SRRM2: variants seen among roughly 807,000 people sequenced by gnomAD.
SRRM2 encodes serine/arginine repetitive matrix 2, also known as serine/arginine repetitive matrix protein 2.
Under a neutral mutation model 213.8 loss-of-function variants are expected in SRRM2, and 30 were observed. The observed-to-expected ratio is 0.14, with a 90% confidence interval of 0.10 to 0.19. SRRM2 has a LOEUF of 0.19. SRRM2 is among the 10% of genes least tolerant of loss of function. The pLI, the probability that SRRM2 is intolerant of heterozygous loss-of-function variation, is 1.00. For missense variants in SRRM2, 4,904 were observed against 3,647.0 expected (o/e 1.34, Z -8.88); for synonymous variants, 2,025 against 1,377.7 (o/e 1.47, Z -10.40).
chr16:2,766,448 A>G lies in SRRM2; in HGVS notation c.5920A>G (p.Thr1974Ala). ...PVTRRRSRSRTSPITRRRSRS... is the reference protein window; with the variant it reads ...PVTRRRSRSRASPITRRRSRS... The stretch of plus-strand genomic sequence containing the variant: ...AACCAGGAGGCGATCTCGAAGCAGA[A>G]CTTCGCCTATCACTCGCAGAAGATC... Residue 1974 changes from threonine (T) to alanine (A), a missense_variant, in exon 11 of 15, where the codon ACT becomes GCT. Thr to Ala is a moderately conservative substitution (Grantham distance 58). Transcript: ENST00000301740. This position sits in a 1 kb window ranked among gnomAD's most constrained non-coding sequence, Gnocchi z 7.0. 1 of 1,613,898 alleles carries G rather than the reference A, an allele frequency of 6.2e-7. No individual in the cohort carries two copies. The highest frequency in any genetic ancestry group is 8.5e-7 in the Non-Finnish European group (1 of 1,179,982).
chr16:2,767,610 T>G lies in SRRM2; in HGVS notation c.7082T>G (p.Leu2361Trp). 6.2e-7 allele frequency: 1 copy of G among 1,614,170 alleles called. No homozygotes were observed. Among genetic ancestry groups the G allele is most frequent in the Non-Finnish European group, 8.5e-7 (1 of 1,180,030 alleles). ...GCCGGCTCCAGAACCGCCGCAGCCT[T>G]GGCCCCCGCGAGCCTCACCAGTGCT... ...NIAGSRTAAA[L>W]APASLTSARM... The change falls in exon 11 of 15, where the codon TTG (leucine) becomes TGG (tryptophan). Residue 2361 changes from leucine (L) to tryptophan (W), a missense_variant. Physicochemically the swap from Leu to Trp is moderately conservative, Grantham distance 61 (BLOSUM62 -2). Coordinates refer to ENST00000301740, the MANE Select transcript of SRRM2 (RefSeq NM_016333.4).
Position 2,768,193 on chromosome 16 carries a change from C to T in SRRM2, c.7665C>T (p.Ser2555=). 2.5e-6 allele frequency: 4 copies of T among 1,608,694 alleles called. No homozygotes were observed. Among genetic ancestry groups the T allele is most frequent in the East Asian group, 2.2e-5 (1 of 44,868 alleles). The change falls in exon 11 of 15, where the codon TCC becomes TCT. Residue 2555 remains serine, a synonymous_variant. Transcript: ENST00000301740. The part of the protein sequence containing the change: ...SSSSSSSSSS[S]SGSSSSDSEG... ...CATCGTCGTCGTCGTCCTCCTCCTC[C>T]TCTGGCTCCAGTTCTAGTGACTCAG...
chr16:2,767,496 A>G lies in SRRM2; in HGVS notation c.6968A>G (p.Tyr2323Cys). The G allele has an allele frequency of 3.1e-6, 5 of 1,614,026 alleles. No homozygotes were observed. The highest frequency in any genetic ancestry group is 1.7e-5 in the Admixed American group (1 of 60,020). The change falls in exon 11 of 15, where the codon TAT becomes TGT. Residue 2323 changes from tyrosine to cysteine, a missense_variant. By Grantham distance (194) the Tyr-to-Cys change is radical. Coordinates refer to ENST00000301740, the MANE Select transcript of SRRM2 (RefSeq NM_016333.4). ...GSGTPPTAAN[Y>C]PSSSRTPQAP... is the part of the protein sequence containing the mutation. ...GGCACACCACCAACTGCTGCAAACT[A>G]TCCCTCCAGCTCCAGAACACCACAG... is the stretch of plus-strand genomic sequence containing the variant.
At chr16:2,760,539 G>T (rs1440657126) in intron 10 of SRRM2, 40 bp downstream of exon 10, 1 of 1,605,718 alleles carries the variant, frequency 6.2e-7, no homozygotes, top group East Asian at 2.2e-5. Flanking sequence ...GATTGCAAAT[G>T]TATAGATTTA....
rs777347658 is a variant in SRRM2, at chr16:2,765,176, A to T, written c.4648A>T (p.Ser1550Cys). 4 of 1,614,072 alleles carry T rather than the reference A, an allele frequency of 2.5e-6. No homozygotes were observed. In the South Asian group the frequency reaches 3.3e-5, roughly 13 times the overall value. ...CTCTCAAGAACTTGATGTGAAACCC[A>T]GTGCATCCCCTCAGGAAAGAAGTGA... is the stretch of plus-strand genomic sequence containing the variant. ...GSSQELDVKP[S>C]ASPQERSESD... The change falls in exon 11 of 15, where the codon AGT (serine) becomes TGT (cysteine). Residue 1550 changes from serine (S) to cysteine (C), a missense_variant. Ser to Cys is a moderately radical substitution (Grantham distance 112, BLOSUM62 -1). Transcript: ENST00000301740.
chr16:2,758,003 C>G, intron 4 of SRRM2, 58 bp downstream of exon 4: 3 of 1,547,724 alleles, frequency 1.9e-6, no homozygotes, highest in Non-Finnish European at 2.6e-6. Flanking sequence ...GCTCCATGCT[C>G]TATTTTTGTC....
Position 2,764,820 on chromosome 16 carries a change from T to C in SRRM2, c.4292T>C (p.Leu1431Ser). ...TCTTCTCCTGAAATGAAAGATGGTT[T>C]ACCCAGAACTCCATCAAGGAGAAGC... ...SASSPEMKDG[L>S]PRTPSRRSRS... The change falls in exon 11 of 15, where the codon TTA becomes TCA. Residue 1431 changes from leucine (L) to serine (S), a missense_variant. Leu to Ser is a moderately radical substitution (Grantham distance 145). Coordinates refer to ENST00000301740, the MANE Select transcript of SRRM2 (RefSeq NM_016333.4). 1 of 1,614,208 alleles carries C rather than the reference T, an allele frequency of 6.2e-7. No individual in the cohort carries two copies. Among genetic ancestry groups the C allele is most frequent in the Non-Finnish European group, 8.5e-7 (1 of 1,180,040 alleles).
Position 2,770,922 on chromosome 16 carries a change from CCTT to C in SRRM2, c.*60_*62del, listed in dbSNP as rs1430925267. The C allele has an allele frequency of 1.9e-5, 31 of 1,610,432 alleles. No individual in the cohort carries two copies. Among genetic ancestry groups the C allele is most frequent in the Non-Finnish European group, 2.5e-5 (30 of 1,178,238 alleles). On this transcript the variant is annotated 3_prime_UTR_variant, in exon 15 of 15. Coordinates refer to ENST00000301740, the MANE Select transcript of SRRM2 (RefSeq NM_016333.4). ...ATGCTCTGGAGCCACAAGGAGTGTCCCTTCTTCCCCAGCAGAGCCGTGGGAGGG... is the reference window on the plus strand; with the variant it reads ...ATGCTCTGGAGCCACAAGGAGTGTCCCTTCCCCAGCAGAGCCGTGGGAGGG...
At position 2,764,552 on chromosome 16, in the gene SRRM2, G is replaced by A. The variant is rs760039793; in HGVS notation, c.4024G>A (p.Glu1342Lys). 3 of 1,614,208 alleles carry A rather than the reference G, an allele frequency of 1.9e-6. No individual in the cohort carries two copies. The highest frequency in any genetic ancestry group is 2.5e-6 in the Non-Finnish European group (3 of 1,180,028). Residue 1342 changes from glutamate to lysine, a missense_variant, in exon 11 of 15, where the codon GAA becomes AAA. Transcript: ENST00000301740. ...TAGAAACTCAGGCCCACTTGGTACA[G>A]AAATGAATACTGGATTTTCTTCTGA... is the stretch of plus-strand genomic sequence containing the variant. ...EFRNSGPLGT[E>K]MNTGFSSEVK...
Position 2,763,283 on chromosome 16 carries a change from G to C in SRRM2, c.2755G>C (p.Val919Leu). ...PSRSSSPQPK[V>L]KAIISPRQRS... ...TAGGTCATCATCTCCACAACCCAAA[G>C]TGAAGGCAATAATATCACCAAGACA... The change falls in exon 11 of 15, where the codon GTG becomes CTG. Residue 919 changes from valine to leucine, a missense_variant. Transcript: ENST00000301740. 6.2e-7 allele frequency: 1 copy of C among 1,614,082 alleles called. No homozygotes were observed. Among genetic ancestry groups the C allele is most frequent in the Non-Finnish European group, 8.5e-7 (1 of 1,180,014 alleles).
rs761043349 is a variant in SRRM2, at chr16:2,762,565, T to A, written c.2037T>A (p.Gly679=). 38 of 1,612,852 alleles carry A rather than the reference T, an allele frequency of 2.4e-5. No individual in the cohort carries two copies. Among genetic ancestry groups the A allele is most frequent in the Non-Finnish European group, 3.1e-5 (37 of 1,179,668 alleles). Reference sequence around the variant, plus strand: ...CTAGAACCCCAGCTAGACGCAGTGGTCGCTCACGCTCCAGAACACCAGCCA... The same window carrying A: ...CTAGAACCCCAGCTAGACGCAGTGGACGCTCACGCTCCAGAACACCAGCCA... ...SRSRTPARRS[G]RSRSRTPARR... The change falls in exon 11 of 15, where the codon GGT becomes GGA. Residue 679 remains glycine (G), a synonymous_variant. Transcript: ENST00000301740.
At position 2,761,883 on chromosome 16, in the gene SRRM2, A is replaced by C. The variant is rs2068363747; in HGVS notation, c.1355A>C (p.Glu452Ala). Residue 452 changes from glutamate (E) to alanine (A), a missense_variant, in exon 11 of 15, where the codon GAG becomes GCG. Transcript: ENST00000301740. Reference sequence around the variant, plus strand: ...GCTCCAGCTCCAGGGTCCCACCGAGAGATTTCTTCTTCTCCCACATCTAAG... The same window carrying C: ...GCTCCAGCTCCAGGGTCCCACCGAGCGATTTCTTCTTCTCCCACATCTAAG... Reference protein sequence around the residue: ...KPAPAPGSHREISSSPTSKNR... With the variant: ...KPAPAPGSHRAISSSPTSKNR... 1 of 1,612,464 alleles carries C rather than the reference A, an allele frequency of 6.2e-7. No individual in the cohort carries two copies. Among genetic ancestry groups the C allele is most frequent in the Non-Finnish European group, 8.5e-7 (1 of 1,180,028 alleles).
rs748830164 is a variant in SRRM2, at chr16:2,764,584, A to G, written c.4056A>G (p.Lys1352=). Residue 1352 remains lysine, a synonymous_variant, in exon 11 of 15, where the codon AAA becomes AAG. Transcript: ENST00000301740. ...EMNTGFSSEV[K]EDLNGPFLNQ... The stretch of plus-strand genomic sequence containing the variant: ...ATACTGGATTTTCTTCTGAGGTTAA[A>G]GAAGATTTGAATGGACCGTTTCTTA... The G allele has an allele frequency of 6.2e-7, 1 of 1,614,260 alleles. No homozygotes were observed. Among genetic ancestry groups the G allele is most frequent in the South Asian group, 1.1e-5 (1 of 91,086 alleles).
chr16:2,760,157 G>C (rs1255930542), intron 9 of SRRM2, 144 bp from the exon 10 acceptor site: 3 of 755,710 alleles, frequency 4.0e-6, no homozygotes, highest in Non-Finnish European at 6.5e-6. Context: ...GCATTTCAGT[G>C]AATGATTTGA....
In SRRM2 at chr16:2,763,308, AAAG is replaced by A; in HGVS notation, c.2784_2786del (p.Arg928del). On this transcript the variant is annotated inframe_deletion, in exon 11 of 15. Coordinates refer to ENST00000301740, the MANE Select transcript of SRRM2 (RefSeq NM_016333.4). ...GTGAAGGCAATAATATCACCAAGAC[AAAG>A]AAGCCATTCTGGCTCCTCTTCTCCA... 2 of 1,614,046 alleles carry A rather than the reference AAAG, an allele frequency of 1.2e-6. No individual in the cohort carries two copies. Among genetic ancestry groups the A allele is most frequent in the Non-Finnish European group, 1.7e-6 (2 of 1,179,920 alleles).
chr16:2,763,600 A>G lies in SRRM2; in HGVS notation c.3072A>G (p.Ser1024=). ...GTCCCCAAGAGAAGTCTAAAGACTC[A>G]CTAGTTCAAAGTTGCCCTGGATCCC... ...SPCPQEKSKD[S]LVQSCPGSLS... The change falls in exon 11 of 15, where the codon TCA becomes TCG. Residue 1024 remains serine, a synonymous_variant. Transcript: ENST00000301740. 6.2e-7 allele frequency: 1 copy of G among 1,614,136 alleles called. No homozygotes were observed. Among genetic ancestry groups the G allele is most frequent in the East Asian group, 2.2e-5 (1 of 44,882 alleles).
chr16:2,755,597 G>A (rs1274953403), intron 1 of SRRM2, among the ~76,000 whole-genome samples: 2 of 152,120 alleles, frequency 1.3e-5, no homozygotes, highest in Non-Finnish European at 2.9e-5. Flanking sequence ...TAAAATATCA[G>A]GATAGTTGAT....
At position 2,765,533 on chromosome 16, in the gene SRRM2, C is replaced by T. The variant is rs560941754; in HGVS notation, c.5005C>T (p.Arg1669Cys). ...PEHPPKSRTA[R>C]RGSRSSPEPK... Reference sequence around the variant, plus strand: ...ACATCCGCCCAAATCCAGAACTGCTCGCAGAGGTTCCAGGTCATCACCAGA... The same window carrying T: ...ACATCCGCCCAAATCCAGAACTGCTTGCAGAGGTTCCAGGTCATCACCAGA... The change falls in exon 11 of 15, where the codon CGC (arginine) becomes TGC (cysteine). Residue 1669 changes from arginine to cysteine, a missense_variant. By Grantham distance (180) the Arg-to-Cys change is radical. Transcript: ENST00000301740. 15 of 1,614,166 alleles carry T rather than the reference C, an allele frequency of 9.3e-6. No homozygotes were observed. The highest frequency in any genetic ancestry group is 1.6e-4 in the Middle Eastern group (1 of 6,062).
rs1408543639 is a variant in SRRM2, at chr16:2,770,584, A to C, written c.8136-20A>C. ...TGAGGTGGTGCCACCCTGTGGCCTG[A>C]TGTCTGTCCTGTGTTGCAGCAGCAG... On this transcript the variant is annotated intron_variant, in intron 13 of 14. Transcript: ENST00000301740. 1 of 1,552,628 alleles carries C rather than the reference A, an allele frequency of 6.4e-7. No individual in the cohort carries two copies. Among genetic ancestry groups the C allele is most frequent in the Non-Finnish European group, 8.7e-7 (1 of 1,147,606 alleles).
Sources: gnomAD v4.1 joint callset for allele counts (sites outside exome capture counted in the v4.1 genomes callset) on GRCh38, gnomAD v4.1.1 for gene constraint, Gnocchi (gnomAD v3.1) non-coding constraint, MANE v1.5 for transcripts, NCBI Gene and HGNC (gene_info 2026-07-23, HGNC 2026-07-21) for gene names.